Variants in ZSCAN30 observed in about 807,000 individuals in gnomAD.
ZSCAN30 encodes the protein zinc finger and SCAN domain-containing protein 30.
In ZSCAN30, 37 loss-of-function variants were observed where a neutral mutation model predicts 44.3. That is an observed-to-expected ratio of 0.84 (90% confidence interval 0.64 to 1.10). The LOEUF (loss-of-function observed/expected upper bound fraction) is 1.10. ZSCAN30 is among the 50% of genes least tolerant of loss of function. The probability of loss-of-function intolerance (pLI) is 0.00; values close to 1 mark genes in which losing one functional copy is unlikely to be tolerated. For missense variants in ZSCAN30, 549 were observed against 582.6 expected (o/e 0.94, Z 0.59); for synonymous variants, 181 against 204.6 (o/e 0.88, Z 0.98).
chr18:35,278,142 T>C (rs778893964), intron 1 of ZSCAN30, among the ~76,000 whole-genome samples: 2 of 152,216 alleles, frequency 1.3e-5, no homozygotes, highest in Admixed American at 1.3e-4. Context: ...TCTCAAATTA[T>C]GCTGACTCAA....
At chr18:35,280,245 C>T (rs548060510) in intron 1 of ZSCAN30, among the ~76,000 whole-genome samples, 5 of 149,194 alleles carry the variant, frequency 3.4e-5, no homozygotes, top group Admixed American at 6.7e-5. Context: ...CACTGCACTC[C>T]GGCCTGGGTG....
chr18:35,280,113 A>T (rs2044429405), intron 1 of ZSCAN30, among the ~76,000 whole-genome samples: 1 of 152,008 alleles, frequency 6.6e-6, no homozygotes, highest in Non-Finnish European at 1.5e-5. Flanking sequence ...TGACTCTACA[A>T]AAAAATAGAA....
At chr18:35,266,705 C>T (rs988643465) in intron 1 of ZSCAN30, 29 of 115,844 alleles carry the variant, frequency 2.5e-4, no homozygotes, top group African/African-American at 9.6e-4. Context: ...TCCACTCTTT[C>T]GCCCAGGCCA....
chr18:35,277,105 C>A (rs2044379944), intron 1 of ZSCAN30, among the ~76,000 whole-genome samples: 1 of 152,134 alleles, frequency 6.6e-6, no homozygotes, highest in African/African-American at 2.4e-5. Flanking sequence ...GGGGCCTGTA[C>A]CCCCTTTGTT....
rs1046830865 is a variant in ZSCAN30, at chr18:35,252,660, A to T, written c.*790T>A. On this transcript the variant is annotated 3_prime_UTR_variant, in exon 4 of 4. Transcript: ENST00000333206. ...ATATCCAGGAAGTCTTTAGTGACTC[A>T]TAGACCAGATTTAGGTATCCCTGCC... The T allele has an allele frequency of 6.6e-6, 1 of 152,188 alleles. No homozygotes were observed. Among genetic ancestry groups the T allele is most frequent in the Non-Finnish European group, 1.5e-5 (1 of 68,026 alleles). 9.4% of individuals were successfully genotyped at this position (152,188 alleles called of 1,614,324 possible).
intron 1 of ZSCAN30, among the ~76,000 whole-genome samples, chr18:35,264,861 T>C (rs924735411): frequency 6.6e-6 from 1 of 152,088 alleles, no homozygotes; most frequent in Non-Finnish European, 1.5e-5. Context: ...ATTATGCCCA[T>C]TTTTGCCAGG....
chr18:35,264,148 G>C lies in ZSCAN30; in HGVS notation c.205C>G (p.Leu69Val). ...STGPREALSR[L>V]RELCCQWLRP... ...AACCACTGACAGCAAAGCTCTCGCA[G>C]CCGGCTCAGAGCCTCCCGAGGGCCA... The change falls in exon 2 of 4, where the codon CTG (leucine) becomes GTG (valine). Residue 69 changes from leucine (L) to valine (V), a missense_variant. Transcript: ENST00000333206. 6.2e-7 allele frequency: 1 copy of C among 1,614,222 alleles called. No homozygotes were observed. Among genetic ancestry groups the C allele is most frequent in the South Asian group, 1.1e-5 (1 of 91,086 alleles).
chr18:35,264,786 C>A (rs910774181), intron 1 of ZSCAN30, among the ~76,000 whole-genome samples: 27 of 152,144 alleles, frequency 1.8e-4, no homozygotes, highest in African/African-American at 6.5e-4. Context: ...TTTTATTGAT[C>A]ACTAGCTTGA....
chr18:35,263,552 T>C lies in ZSCAN30; in HGVS notation c.514A>G (p.Lys172Glu), dbSNP rs1283551586. The change falls in exon 3 of 4, where the codon AAG becomes GAG. Residue 172 changes from lysine (K) to glutamate (E), a missense_variant. Lys to Glu is a moderately conservative substitution (Grantham distance 56). Coordinates refer to ENST00000333206, the MANE Select transcript of ZSCAN30 (RefSeq NM_001112734.4). ...GCCTGGGACTCCTGAGTCTCAGTCT[T>C]GCACTGGTTCTCTAAGGGCTGCACC... is the stretch of plus-strand genomic sequence containing the variant. ...SPVQPLENQC[K>E]TETQESQAFQ... The C allele has an allele frequency of 1.3e-5, 21 of 1,614,104 alleles. No individual in the cohort carries two copies. The highest frequency in any genetic ancestry group is 1.8e-5 in the Non-Finnish European group (21 of 1,180,054).
At chr18:35,284,883 G>T (rs1385914932) in intron 1 of ZSCAN30, 1 of 154,830 alleles carries the variant, frequency 6.5e-6, no homozygotes. Context: ...GGCTGCAGTT[G>T]CACCCAGGAG....
At chr18:35,258,684 AT>A (rs1435504646) in intron 3 of ZSCAN30, 1 of 151,966 alleles carries the variant, frequency 6.6e-6, no homozygotes, top group African/African-American at 2.4e-5. Flanking sequence ...AGCCTGGCCA[AT>A]ATGGTGAAAC....
chr18:35,257,598 T>A (rs994804023), intron 3 of ZSCAN30: 19 of 332,606 alleles, frequency 5.7e-5, no homozygotes, highest in African/African-American at 8.6e-5. Context: ...CCTCCAGAAC[T>A]GTGAGAAGTA....
chr18:35,285,779 T>TA (rs2044539222), intron 1 of ZSCAN30, among the ~76,000 whole-genome samples: 1 of 151,142 alleles, frequency 6.6e-6, no homozygotes, highest in South Asian at 2.1e-4. Flanking sequence ...ATCAGAGGCC[T>TA]CAACTTCCAC....
chr18:35,260,607 G>C (rs2143690214), intron 3 of ZSCAN30: 1 of 152,266 alleles, frequency 6.6e-6, no homozygotes, highest in Non-Finnish European at 1.5e-5. Context: ...TTTCTCTAAT[G>C]ATCAGTGATG....
chr18:35,256,215 G>A (rs1055565219), intron 3 of ZSCAN30: 1 of 152,314 alleles, frequency 6.6e-6, no homozygotes, highest in African/African-American at 2.4e-5. Context: ...TATTTAAAAA[G>A]TTGGAATAAA....
intron 1 of ZSCAN30, among the ~76,000 whole-genome samples, chr18:35,287,574 C>CAAAAAA (rs59300208): frequency 7.4e-5 from 7 of 94,664 alleles, no homozygotes; most frequent in Middle Eastern, 6.9e-3. Flanking sequence ...ATCCACATAC[C>CAAAAAA]AAAAAAAAAA....
chr18:35,272,217 A>G (rs2044294783), intron 1 of ZSCAN30, among the ~76,000 whole-genome samples: 1 of 152,340 alleles, frequency 6.6e-6, no homozygotes, highest in African/African-American at 2.4e-5. Flanking sequence ...TTTAGTAGAG[A>G]CAAGCTTTCA....
intron 1 of ZSCAN30, among the ~76,000 whole-genome samples, chr18:35,271,396 G>A (rs969500410): frequency 3.3e-5 from 2 of 60,712 alleles, no homozygotes; most frequent in African/African-American, 1.3e-4. Context: ...AGTTCTCCAA[G>A]TCCACACTAG....
At chr18:35,268,900 G>A (rs2044217363) in intron 1 of ZSCAN30, 4 of 152,240 alleles carry the variant, frequency 2.6e-5, no homozygotes, top group Admixed American at 2.6e-4. Flanking sequence ...AGAAATTGAA[G>A]ATGGAAGAAA....
Sources: allele counts gnomAD v4.1 joint callset (sites outside exome capture counted in the v4.1 genomes callset), GRCh38; gene constraint gnomAD v4.1.1; transcripts MANE v1.5; gene names NCBI Gene and HGNC (gene_info 2026-07-23, HGNC 2026-07-21).